Variants in ARID1B observed in about 807,000 individuals in gnomAD.
ARID1B encodes the protein AT-rich interactive domain-containing protein 1B.
Under a neutral mutation model 212.3 loss-of-function variants are expected in ARID1B, and 30 were observed. That is an observed-to-expected ratio of 0.14 (90% CI 0.11 to 0.19). The LOEUF (loss-of-function observed/expected upper bound fraction) is 0.19. Ranked by LOEUF, ARID1B falls within the 10% of genes least tolerant of loss-of-function variation. The probability of loss-of-function intolerance (pLI) is 1.00; values close to 1 mark genes in which losing one functional copy is unlikely to be tolerated. For synonymous variants in ARID1B, 1,402 were observed against 1,301.7 expected (o/e 1.08, Z -1.66); for missense variants, 2,891 against 3,204.0 (o/e 0.90, Z 2.36).
chr6:156,824,863 A>AT (rs1244051858), intron 1 of ARID1B, among the ~76,000 whole-genome samples: 120 of 144,986 alleles, frequency 8.3e-4, no homozygotes, highest in Middle Eastern at 3.6e-3. Context: ...CTTAGATTTG[A>AT]TTTTTTTTTT....
intron 5 of ARID1B, among the ~76,000 whole-genome samples, chr6:157,092,727 T>G (rs1785355039): frequency 1.3e-5 from 2 of 152,212 alleles, no homozygotes; most frequent in Admixed American, 6.5e-5. Context: ...GTTGGGCAAC[T>G]CAGTTTAAAT....
intron 1 of ARID1B, among the ~76,000 whole-genome samples, chr6:156,814,858 C>A (rs1041241965): frequency 1.3e-5 from 2 of 151,932 alleles, no homozygotes; most frequent in Non-Finnish European, 2.9e-5. Flanking sequence ...TTGTTCTGTA[C>A]TCCTCATTTT....
chr6:157,007,356 A>C (rs1779307332), intron 4 of ARID1B, among the ~76,000 whole-genome samples: 1 of 152,184 alleles, frequency 6.6e-6, no homozygotes, highest in African/African-American at 2.4e-5. Context: ...AAGAATCCCA[A>C]AATGTTATTC....
chr6:157,153,745 C>T (rs895812081), intron 8 of ARID1B, among the ~76,000 whole-genome samples: 6 of 152,196 alleles, frequency 3.9e-5, no homozygotes, highest in African/African-American at 9.7e-5. Context: ...AAGCAATTCT[C>T]CCACCTCAGC....
In ARID1B at chr6:157,203,695, G is replaced by C; in HGVS notation, c.5264-171G>C. ...CACAAAAGTTTCTCGTTACAGCTATGGCCTCCATTTAAAATCGGAAATGAT... is the reference window on the plus strand; with the variant it reads ...CACAAAAGTTTCTCGTTACAGCTATCGCCTCCATTTAAAATCGGAAATGAT... On this transcript the variant is annotated intron_variant, in intron 18 of 19. Transcript: ENST00000636930. This position sits in a 1 kb window ranked among gnomAD's most constrained non-coding sequence, Gnocchi z 4.4. The C allele has an allele frequency of 2.4e-6, 2 of 835,024 alleles. No homozygotes were observed. The highest frequency in any genetic ancestry group is 3.8e-6 in the Non-Finnish European group (2 of 526,396). 51.7% of individuals were successfully genotyped at this position (835,024 alleles called of 1,614,324 possible).
intron 1 of ARID1B, among the ~76,000 whole-genome samples, chr6:156,818,121 T>C (rs1782099832): frequency 6.7e-6 from 1 of 148,584 alleles, no homozygotes; most frequent in African/African-American, 2.5e-5. Flanking sequence ...TTTTTTTTTT[T>C]TTTAGAATAT....
chr6:156,786,275 T>C (rs930436281), intron 1 of ARID1B, among the ~76,000 whole-genome samples: 1 of 152,192 alleles, frequency 6.6e-6, no homozygotes, highest in Non-Finnish European at 1.5e-5. Context: ...GTCTAGGTGG[T>C]GCCATGTCCT....
chr6:157,196,366 T>C (rs1330700786), intron 16 of ARID1B, 51 bp downstream of exon 16: 2 of 1,563,532 alleles, frequency 1.3e-6, no homozygotes, highest in Non-Finnish European at 1.7e-6. Context: ...AACCGTGCTT[T>C]CCTCACACAC....
intron 4 of ARID1B, among the ~76,000 whole-genome samples, chr6:157,082,241 C>A (rs768334637): frequency 1.5e-4 from 23 of 152,074 alleles, no homozygotes; most frequent in Non-Finnish European, 2.9e-4. Flanking sequence ...GTTTTTCCCC[C>A]AAGGAATAGG....
chr6:157,101,413 A>G lies in ARID1B; in HGVS notation c.2492-9059A>G, dbSNP rs201616640. On this transcript the variant is annotated intron_variant, in intron 5 of 19. Transcript: ENST00000636930. ...CAGTTTAATTCACACGGACCTAAGA[A>G]TAGGTCTGTCTTACCCTTGCCACTG... Among the ~76,000 whole-genome samples, 31 of 152,334 alleles carry G rather than the reference A, an allele frequency of 2.0e-4. No homozygotes were observed. The East Asian group carries it at 3.9e-3, about 19-fold the overall frequency.
chr6:157,069,273 A>G (rs1391454049), intron 4 of ARID1B, among the ~76,000 whole-genome samples: 1 of 152,174 alleles, frequency 6.6e-6, no homozygotes, highest in African/African-American at 2.4e-5. Context: ...CATGTCCTGC[A>G]TGTGTCAGGT....
chr6:157,114,922 T>G (rs1176002555), intron 6 of ARID1B, among the ~76,000 whole-genome samples: 1 of 152,186 alleles, frequency 6.6e-6, no homozygotes, highest in Non-Finnish European at 1.5e-5. Flanking sequence ...CAGTTTCAAG[T>G]AGCTGAACCC....
chr6:157,183,593 T>C (rs1018552667), intron 12 of ARID1B, among the ~76,000 whole-genome samples: 5 of 152,220 alleles, frequency 3.3e-5, no homozygotes, highest in African/African-American at 1.2e-4. Context: ...TCTCTTTCTT[T>C]CTCCTCCTTT....
chr6:157,022,408 T>A (rs1029984855), intron 4 of ARID1B: 1 of 152,262 alleles, frequency 6.6e-6, no homozygotes, highest in Admixed American at 6.5e-5. Context: ...ATCTCCTGCC[T>A]GTGCTTTCCT....
intron 4 of ARID1B, among the ~76,000 whole-genome samples, chr6:157,069,055 G>A (rs534221949): frequency 3.9e-5 from 6 of 152,130 alleles, no homozygotes; most frequent in South Asian, 2.1e-4. Context: ...GAAATGTAGC[G>A]TCCCCCTACA....
chr6:157,132,173 A>G (rs569929146), intron 6 of ARID1B, among the ~76,000 whole-genome samples: 3 of 152,316 alleles, frequency 2.0e-5, no homozygotes, highest in South Asian at 4.1e-4. Flanking sequence ...TGGCTTTGGT[A>G]GAAGTAGAAA....
chr6:156,942,844 T>G (rs1169566310), intron 4 of ARID1B: 1 of 152,248 alleles, frequency 6.6e-6, no homozygotes, highest in African/African-American at 2.4e-5. Flanking sequence ...CTACTTTATA[T>G]TATCCAAGTT....
chr6:156,840,645 C>T (rs181121567), intron 2 of ARID1B, among the ~76,000 whole-genome samples: 9 of 152,314 alleles, frequency 5.9e-5, no homozygotes, highest in South Asian at 2.1e-4. Flanking sequence ...ACTAGAATCC[C>T]GGTGCCCAGG....
intron 4 of ARID1B, among the ~76,000 whole-genome samples, chr6:156,983,291 A>T (rs1257037237): frequency 1.3e-5 from 2 of 151,990 alleles, no homozygotes; most frequent in Non-Finnish European, 2.9e-5. Flanking sequence ...GCTACTCGAG[A>T]GGCTGAGACA....
Sources: allele counts gnomAD v4.1 joint callset (sites outside exome capture counted in the v4.1 genomes callset), GRCh38; gene constraint gnomAD v4.1.1; non-coding constraint Gnocchi (gnomAD v3.1); transcripts MANE v1.5; gene names NCBI Gene and HGNC (gene_info 2026-07-23, HGNC 2026-07-21).